MCPH1: variants seen among roughly 807,000 people sequenced by gnomAD.
MCPH1 encodes microcephalin.
Under a neutral mutation model 84.5 loss-of-function variants are expected in MCPH1, and 104 were observed. The ratio of observed to expected loss-of-function variants is 1.23; its 90% confidence interval spans 1.05 to 1.45. The LOEUF is 1.45. Among genes scored for constraint, MCPH1 ranks in the 40% most tolerant of loss-of-function variants. The pLI is 0.00. For missense variants in MCPH1, 1,498 were observed against 1,005.7 expected, an observed-to-expected ratio of 1.49 and a Z score of -6.62; for synonymous variants, 514 against 366.8, an observed-to-expected ratio of 1.40 and a Z score of -4.58.
intron 2 of MCPH1, among the ~76,000 whole-genome samples, chr8:6,410,910 T>C (rs924026742): frequency 6.6e-6 from 1 of 151,930 alleles, no homozygotes; most frequent in Non-Finnish European, 1.5e-5. Flanking sequence ...GCCAACATAG[T>C]GAAACCCCAT....
chr8:6,574,903 T>G (rs1826945348), intron 12 of MCPH1, among the ~76,000 whole-genome samples: 1 of 152,160 alleles, frequency 6.6e-6, no homozygotes, highest in African/African-American at 2.4e-5. Context: ...TGATGAAAGA[T>G]ATCAAGTTAC....
At chr8:6,446,428 C>T (rs1232351951) in intron 8 of MCPH1, 1 of 985,176 alleles carries the variant, frequency 1.0e-6, no homozygotes, top group Non-Finnish European at 1.2e-6. Context: ...GAAATCATCA[C>T]AGACATGTTA....
intron 5 of MCPH1, among the ~76,000 whole-genome samples, chr8:6,436,575 T>C (rs1390484239): frequency 6.6e-6 from 1 of 151,964 alleles, no homozygotes; most frequent in African/African-American, 2.4e-5. Flanking sequence ...TTTAGTGATT[T>C]GGGAAAATAC....
At position 6,457,386 on chromosome 8, in the gene MCPH1, A is replaced by C. The variant is rs181803222; in HGVS notation, c.1935+2134A>C. ...GATCACTTGAGGTCAGGAGTTCGAG[A>C]CCAGCCTGGCCAACATGGCAAAACC... On this transcript the variant is annotated intron_variant, in intron 9 of 13. Transcript: ENST00000344683. Among the ~76,000 whole-genome samples, 94 of 151,746 alleles carry C rather than the reference A, an allele frequency of 6.2e-4. 1 individual carries two copies. The East Asian group carries it at 0.016, about 26-fold the overall frequency.
At chr8:6,447,091 G>T in intron 8 of MCPH1, 4 of 985,454 alleles carry the variant, frequency 4.1e-6, no homozygotes, top group Non-Finnish European at 4.8e-6. Flanking sequence ...CTGCCTTCAT[G>T]CCATTACAGA....
chr8:6,440,013 A>G (rs996697223), intron 6 of MCPH1, among the ~76,000 whole-genome samples: 1 of 152,162 alleles, frequency 6.6e-6, no homozygotes, highest in Non-Finnish European at 1.5e-5. Context: ...TTTCTGTTTT[A>G]CCTAAATTAG....
At chr8:6,438,829 A>G in intron 5 of MCPH1, 124 bp from the exon 6 acceptor site, 3 of 787,018 alleles carry the variant, frequency 3.8e-6, no homozygotes, top group Non-Finnish European at 4.3e-6. Context: ...TAGCAGGAGT[A>G]GGTAATGATG....
intron 4 of MCPH1, among the ~76,000 whole-genome samples, chr8:6,434,853 T>C (rs1248623036): frequency 6.6e-6 from 1 of 152,202 alleles, no homozygotes; most frequent in Non-Finnish European, 1.5e-5. Context: ...CCTGGGGTCC[T>C]ATAAGAAAGA....
At chr8:6,415,275 G>T (rs1585596626) in intron 3 of MCPH1, among the ~76,000 whole-genome samples, 1 of 137,466 alleles carries the variant, frequency 7.3e-6, no homozygotes, top group African/African-American at 2.7e-5. Flanking sequence ...GTATCAAGTT[G>T]TCAACAGGGT....
chr8:6,460,061 G>A (rs181033715), intron 9 of MCPH1, among the ~76,000 whole-genome samples: 1 of 152,174 alleles, frequency 6.6e-6, no homozygotes, highest in Non-Finnish European at 1.5e-5. Flanking sequence ...TGTTTTTGTT[G>A]TTTATTTACT....
intron 12 of MCPH1, among the ~76,000 whole-genome samples, chr8:6,610,364 G>C (rs1830157688): frequency 6.6e-6 from 1 of 152,204 alleles, no homozygotes; most frequent in Non-Finnish European, 1.5e-5. Flanking sequence ...ACCTAATCAA[G>C]CCATGTTGTT....
At chr8:6,640,896 A>C (rs1797896904) in intron 13 of MCPH1, among the ~76,000 whole-genome samples, 2 of 152,062 alleles carry the variant, frequency 1.3e-5, no homozygotes, top group South Asian at 4.1e-4. Flanking sequence ...ATTGACACTG[A>C]CCTATATTGC....
At chr8:6,597,569 A>C (rs899435802) in intron 12 of MCPH1, among the ~76,000 whole-genome samples, 1 of 152,192 alleles carries the variant, frequency 6.6e-6, no homozygotes, top group Non-Finnish European at 1.5e-5. Flanking sequence ...AGCTCGGCCA[A>C]GAGTTCTGCT....
At chr8:6,516,511 T>C (rs1321847608) in intron 12 of MCPH1, among the ~76,000 whole-genome samples, 1 of 152,182 alleles carries the variant, frequency 6.6e-6, no homozygotes, top group Non-Finnish European at 1.5e-5. Flanking sequence ...AGGCCAAAAG[T>C]CCCTCAACAC....
intron 13 of MCPH1, chr8:6,627,330 GGAGA>G (rs1420939391): frequency 1.0e-6 from 1 of 976,616 alleles, no homozygotes; most frequent in Non-Finnish European, 1.2e-6. Flanking sequence ...GTGGCAGAGA[GGAGA>G]GTGAGGACGG....
chr8:6,482,779 A>G (rs916565606), intron 11 of MCPH1, among the ~76,000 whole-genome samples: 12 of 152,194 alleles, frequency 7.9e-5, no homozygotes, highest in Admixed American at 3.9e-4. Context: ...AGGTTATTGT[A>G]TCTCTTCTGG....
chr8:6,506,991 C>T (rs1046454506), intron 12 of MCPH1, among the ~76,000 whole-genome samples: 4 of 151,882 alleles, frequency 2.6e-5, no homozygotes, highest in Non-Finnish European at 5.9e-5. Context: ...TCTGTCTCCC[C>T]GGTTCAAGAG....
chr8:6,524,774 G>C (rs1818017633), intron 12 of MCPH1, among the ~76,000 whole-genome samples: 2 of 152,284 alleles, frequency 1.3e-5, no homozygotes, highest in South Asian at 4.2e-4. Context: ...GGCCATGTAA[G>C]GTCTGTAAAT....
chr8:6,605,431 C>T (rs747232813), intron 12 of MCPH1, among the ~76,000 whole-genome samples: 8 of 152,096 alleles, frequency 5.3e-5, no homozygotes, highest in Non-Finnish European at 7.4e-5. Context: ...AAGTGTTATG[C>T]GATGGGAGTT....
Sources: gnomAD v4.1 joint callset for allele counts (sites outside exome capture counted in the v4.1 genomes callset) on GRCh38, gnomAD v4.1.1 for gene constraint, MANE v1.5 for transcripts, NCBI Gene and HGNC (gene_info 2026-07-23, HGNC 2026-07-21) for gene names.